Variants in LYPD1 observed in about 807,000 individuals in gnomAD.
LYPD1 encodes LY6/PLAUR domain containing 1, also known as ly6/PLAUR domain-containing protein 1.
A neutral mutation model predicts 14.2 loss-of-function variants in LYPD1; 14 were observed. The observed-to-expected ratio is 0.99, with a 90% CI of 0.65 to 1.54. The LOEUF (loss-of-function observed/expected upper bound fraction) is 1.54, where lower values mean the gene tolerates loss of function less well. Among genes scored for constraint, LYPD1 ranks in the 40% most tolerant of loss-of-function variants. The probability of loss-of-function intolerance (pLI) is 0.00; values close to 1 mark genes in which losing one functional copy is unlikely to be tolerated. For synonymous variants in LYPD1, 85 were observed against 70.6 expected (o/e 1.20, Z -1.02); for missense variants, 165 against 175.7 (o/e 0.94, Z 0.34).
intron 2 of LYPD1, chr2:132,646,608 A>ATTTAC (rs1443565236): frequency 4.4e-6 from 1 of 225,322 alleles, no homozygotes. Context: ...ACAGCTTTTT[A>ATTTAC]TTTACTTTGT....
chr2:132,656,375 C>T (rs563294130), intron 2 of LYPD1, among the ~76,000 whole-genome samples: 18 of 152,272 alleles, frequency 1.2e-4, no homozygotes, highest in South Asian at 4.1e-4. Flanking sequence ...ACCATAGTTA[C>T]GATTACATCA....
chr2:132,670,325 G>C (rs1351925803), upstream of LYPD1: 1 of 268,088 alleles, frequency 3.7e-6, no homozygotes, highest in East Asian at 1.4e-4. The surrounding 1 kb of genome is among the most constrained non-coding windows in gnomAD (Gnocchi z 4.5). Flanking sequence ...AGGCTGGGAC[G>C]GTCGCTTCAC....
chr2:132,645,945 A>G lies in LYPD1; in HGVS notation c.*100T>C. ...GAACACGGACTCCCGCTCCCTACCC[A>G]GAATAAAAGGACACCCAGAAGAAAC... On this transcript the variant is annotated 3_prime_UTR_variant, in exon 3 of 3. Transcript: ENST00000397463. 10 of 884,136 alleles carry G rather than the reference A, an allele frequency of 1.1e-5. No homozygotes were observed. The South Asian group carries it at 1.9e-4, about 17-fold the overall frequency. The allele number at this position is 884,136 out of a possible 1,614,324, so 54.8% of individuals were successfully genotyped here.
chr2:132,650,124 T>C (rs1224290014), intron 2 of LYPD1, among the ~76,000 whole-genome samples: 1 of 152,026 alleles, frequency 6.6e-6, no homozygotes, highest in Non-Finnish European at 1.5e-5. Flanking sequence ...AATAAATCAG[T>C]AAGGAATAAA....
intron 2 of LYPD1, among the ~76,000 whole-genome samples, chr2:132,655,262 T>C (rs954877506): frequency 2.4e-4 from 36 of 152,142 alleles, no homozygotes; most frequent in African/African-American, 8.4e-4. Flanking sequence ...AGATGCCAAT[T>C]TGAAAGCTCA....
At position 132,646,074 on chromosome 2, in the gene LYPD1, T is replaced by C. The variant is rs139508764; in HGVS notation, c.397A>G (p.Lys133Glu). 5.0e-4 allele frequency: 802 copies of C among 1,591,984 alleles called. 5 individuals are homozygous for C. The African/African-American group carries it at 9.4e-3, about 19-fold the overall frequency. Residue 133 changes from lysine to glutamate, a missense_variant, in exon 3 of 3, where the codon AAA becomes GAA. Transcript: ENST00000397463. Reference protein sequence around the residue: ...PGLRTTILFLKLALFSAHC With the variant: ...PGLRTTILFLELALFSAHC ...CAGTGTGCCGAGAAGAGGGCTAATT[T>C]GAGGAACAGGATGGTGGTGCGGAGC... is the stretch of plus-strand genomic sequence containing the variant.
chr2:132,645,126 A>G lies in LYPD1; in HGVS notation c.*919T>C, dbSNP rs779934537. 6.2e-7 allele frequency: 1 copy of G among 1,613,692 alleles called. No individual in the cohort carries two copies. The highest frequency in any genetic ancestry group is 8.5e-7 in the Non-Finnish European group (1 of 1,179,820). On this transcript the variant is annotated 3_prime_UTR_variant, in exon 3 of 3. Transcript: ENST00000397463. ...GGCTGATTGTTGTGACATTGGCCGTATGCTGGATGCCCAACCAGATTCGGA... is the reference window on the plus strand; with the variant it reads ...GGCTGATTGTTGTGACATTGGCCGTGTGCTGGATGCCCAACCAGATTCGGA...
At chr2:132,659,977 C>A (rs185963561) in intron 2 of LYPD1, among the ~76,000 whole-genome samples, 5 of 152,348 alleles carry the variant, frequency 3.3e-5, no homozygotes, top group Admixed American at 3.3e-4. Context: ...TTTGAAGATG[C>A]CTCCGTGGAG....
At chr2:132,652,110 A>G (rs1682382264) in intron 2 of LYPD1, among the ~76,000 whole-genome samples, 1 of 152,100 alleles carries the variant, frequency 6.6e-6, no homozygotes, top group Admixed American at 6.5e-5. Flanking sequence ...CAGAGGGGGG[A>G]CATCGTTTGG....
At position 132,667,776 on chromosome 2, in the gene LYPD1, G is replaced by T. The variant is rs980314924; in HGVS notation, c.190+624C>A. ...GAAGATTCTTGGTCAACTAGAGGGA[G>T]TGAGGGCTATCCCACAAGACCTCCC... On this transcript the variant is annotated intron_variant, in intron 2 of 2. Coordinates refer to ENST00000397463, the MANE Select transcript of LYPD1 (RefSeq NM_144586.7). 4.6e-5 allele frequency among the ~76,000 whole-genome samples: 7 copies of T among 152,292 alleles called. No individual in the cohort carries two copies. In the South Asian group the frequency reaches 1.5e-3, roughly 32 times the overall value.
chr2:132,649,479 G>A (rs768648393), intron 2 of LYPD1, among the ~76,000 whole-genome samples: 2 of 152,184 alleles, frequency 1.3e-5, no homozygotes, highest in Admixed American at 6.5e-5. Flanking sequence ...GCAGGCTGGC[G>A]ATGGGAACGG....
Position 132,670,200 on chromosome 2 carries a change from T to A in LYPD1, c.-268A>T. The A allele has an allele frequency of 8.8e-7, 1 of 1,139,848 alleles. No individual in the cohort carries two copies. Among genetic ancestry groups the A allele is most frequent in the South Asian group, 1.9e-5 (1 of 52,340 alleles). The allele number at this position is 1,139,848 out of a possible 1,614,324, so 70.6% of individuals were successfully genotyped here. On this transcript the variant is annotated 5_prime_UTR_variant, in exon 1 of 3. Coordinates refer to ENST00000397463, the MANE Select transcript of LYPD1 (RefSeq NM_144586.7). This position sits in a 1 kb window ranked among gnomAD's most constrained non-coding sequence, Gnocchi z 4.5. The stretch of plus-strand genomic sequence containing the variant: ...CGCCTCCGGAGTTGGCGGCTGAGAC[T>A]GAAGGAACTACTGGCGATCGGGAGC...
chr2:132,648,980 G>A (rs1369318891), intron 2 of LYPD1, among the ~76,000 whole-genome samples: 1 of 152,174 alleles, frequency 6.6e-6, no homozygotes, highest in Non-Finnish European at 1.5e-5. Flanking sequence ...TCTAAGTCTG[G>A]AAACTGGCAC....
At chr2:132,664,020 T>C (rs1030317960) in intron 2 of LYPD1, among the ~76,000 whole-genome samples, 1 of 152,146 alleles carries the variant, frequency 6.6e-6, no homozygotes, top group Non-Finnish European at 1.5e-5. Context: ...AATGGAAAAG[T>C]ATATCCACAC....
chr2:132,646,607 T>A lies in LYPD1; in HGVS notation c.191-327A>T, dbSNP rs145168001. On this transcript the variant is annotated intron_variant, in intron 2 of 2. Coordinates refer to ENST00000397463, the MANE Select transcript of LYPD1 (RefSeq NM_144586.7). ...ACACTGTGTACAAGACACAGCTTTT[T>A]ATTTACTTTGTTTTTGGTTCAAACT... 312 of 227,700 alleles carry A rather than the reference T, an allele frequency of 1.4e-3. 2 individuals carry two copies. The highest frequency in any genetic ancestry group is 6.7e-3 in the African/African-American group (298 of 44,654). The allele number at this position is 227,700 out of a possible 1,614,324, so 14.1% of individuals were successfully genotyped here.
chr2:132,668,073 A>T (rs908700841), intron 2 of LYPD1, among the ~76,000 whole-genome samples: 5 of 152,200 alleles, frequency 3.3e-5, no homozygotes, highest in African/African-American at 1.2e-4. Flanking sequence ...CTAGTTGCCC[A>T]AGCCAGGGCT....
chr2:132,645,496 GAGCCCCAGTCTA>G lies in LYPD1; in HGVS notation c.*537_*548del, dbSNP rs753590826. On this transcript the variant is annotated 3_prime_UTR_variant, in exon 3 of 3. Coordinates refer to ENST00000397463, the MANE Select transcript of LYPD1 (RefSeq NM_144586.7). Reference sequence around the variant, plus strand: ...CTTAAGCACTTTTCAGAGCGAGGCCGAGCCCCAGTCTAAGTCCCAGTCATTGAGTCTCGAGTC... The same window carrying G: ...CTTAAGCACTTTTCAGAGCGAGGCCGAGTCCCAGTCATTGAGTCTCGAGTC... 3.7e-6 allele frequency: 6 copies of G among 1,613,774 alleles called. No individual in the cohort carries two copies. In the South Asian group the frequency reaches 6.6e-5, roughly 18 times the overall value.
chr2:132,659,413 G>C (rs527251627), intron 2 of LYPD1, among the ~76,000 whole-genome samples: 32 of 152,252 alleles, frequency 2.1e-4, no homozygotes, highest in Non-Finnish European at 3.8e-4. Flanking sequence ...ATCCTTTCAG[G>C]ATCTTGTACA....
intron 2 of LYPD1, among the ~76,000 whole-genome samples, chr2:132,656,443 C>T (rs530467070): frequency 1.8e-4 from 27 of 152,152 alleles, no homozygotes; most frequent in Admixed American, 1.6e-3. Context: ...GCTTGGGGAA[C>T]GGGTAATTGG....
Sources: allele counts gnomAD v4.1 joint callset (sites outside exome capture counted in the v4.1 genomes callset), GRCh38; gene constraint gnomAD v4.1.1; non-coding constraint Gnocchi (gnomAD v3.1); transcripts MANE v1.5; gene names NCBI Gene and HGNC (gene_info 2026-07-23, HGNC 2026-07-21).